The following WDR25 variants were observed in gnomAD, a reference collection of about 807,000 sequenced individuals.
WDR25 encodes the protein WD repeat domain 25, also known as WD repeat-containing protein 25.
Under a neutral mutation model 47.7 loss-of-function variants are expected in WDR25, and 35 were observed. The observed-to-expected ratio is 0.73, with a 90% CI of 0.56 to 0.97. WDR25 has a LOEUF of 0.97. WDR25 is among the 50% of genes least tolerant of loss of function. WDR25 has a pLI of 0.00. For synonymous variants in WDR25, 248 were observed against 278.9 expected, an observed-to-expected ratio of 0.89 and a Z score of 1.10; for missense variants, 634 against 704.7, an observed-to-expected ratio of 0.90 and a Z score of 1.14.
intron 2 of WDR25, among the ~76,000 whole-genome samples, chr14:100,459,937 T>TATATACAC (rs1899343217): frequency 1.0e-5 from 1 of 97,712 alleles, no homozygotes; most frequent in Non-Finnish European, 2.0e-5. Context: ...TATATATATA[T>TATATACAC]ATACACATAC....
At chr14:100,467,189 G>A (rs1172031810) in intron 2 of WDR25, among the ~76,000 whole-genome samples, 1 of 152,216 alleles carries the variant, frequency 6.6e-6, no homozygotes, top group Non-Finnish European at 1.5e-5. Context: ...GTAAATACGA[G>A]TGTAGCACAT....
chr14:100,411,342 C>G (rs1454765915), intron 2 of WDR25, among the ~76,000 whole-genome samples: 1 of 152,014 alleles, frequency 6.6e-6, no homozygotes, highest in African/African-American at 2.4e-5. Context: ...TCCCTTAGTG[C>G]CACTGTCACA....
chr14:100,465,287 G>A (rs1899591060), intron 2 of WDR25, among the ~76,000 whole-genome samples: 1 of 152,160 alleles, frequency 6.6e-6, no homozygotes, highest in Non-Finnish European at 1.5e-5. Context: ...GTGTTGTGCA[G>A]TCTGCACCCC....
intron 2 of WDR25, among the ~76,000 whole-genome samples, chr14:100,454,171 A>T (rs192826786): frequency 6.6e-6 from 1 of 152,178 alleles, no homozygotes. Flanking sequence ...CTCCCATACC[A>T]TGTATCCTAC....
At chr14:100,471,179 G>T (rs1354446924) in intron 3 of WDR25, among the ~76,000 whole-genome samples, 1 of 152,096 alleles carries the variant, frequency 6.6e-6, no homozygotes, top group Non-Finnish European at 1.5e-5. Flanking sequence ...CCTCTCCCTG[G>T]CTGGCTTGGG....
At chr14:100,423,589 C>A (rs1898085566) in intron 2 of WDR25, among the ~76,000 whole-genome samples, 1 of 152,168 alleles carries the variant, frequency 6.6e-6, no homozygotes, top group Non-Finnish European at 1.5e-5. Flanking sequence ...TCAAAAACAT[C>A]TGGAAAATAG....
In WDR25 at chr14:100,440,428, G is replaced by A. The variant is rs1205006831; in HGVS notation, c.823-27593G>A. Among the ~76,000 whole-genome samples the A allele has an allele frequency of 6.6e-6, 1 of 152,232 alleles. No individual in the cohort carries two copies. The highest frequency in any genetic ancestry group is 2.4e-5 in the African/African-American group (1 of 41,466). ...GCATGCCACTTAGTCTGTTCTGAGCGGCTGTTTACAGGCGGATAGAAAGGG... is the reference window on the plus strand; with the variant it reads ...GCATGCCACTTAGTCTGTTCTGAGCAGCTGTTTACAGGCGGATAGAAAGGG... On this transcript the variant is annotated intron_variant, in intron 2 of 6. Coordinates refer to ENST00000402312, the MANE Select transcript of WDR25 (RefSeq NM_001161476.3). The surrounding 1 kb of genome is among the most constrained non-coding windows in gnomAD (Gnocchi z 4.4).
intron 4 of WDR25, among the ~76,000 whole-genome samples, chr14:100,520,863 A>G (rs2140382430): frequency 6.6e-6 from 1 of 152,328 alleles, no homozygotes; most frequent in East Asian, 1.9e-4. Flanking sequence ...GAGACTGAAG[A>G]ACAGACGGAA....
chr14:100,519,792 C>CTATATGTA (rs1191068514), intron 4 of WDR25, among the ~76,000 whole-genome samples: 33 of 132,688 alleles, frequency 2.5e-4, no homozygotes, highest in South Asian at 6.9e-4. Flanking sequence ...ATATACTATA[C>CTATATGTA]TATATGTATA....
In WDR25 at chr14:100,381,005, A is replaced by G. The variant is rs1450867425; in HGVS notation, c.81A>G (p.Ala27=). 6.2e-7 allele frequency: 1 copy of G among 1,614,126 alleles called. No individual in the cohort carries two copies. The highest frequency in any genetic ancestry group is 1.3e-5 in the African/African-American group (1 of 74,952). Residue 27 remains alanine, a synonymous_variant, in exon 2 of 7, where the codon GCA becomes GCG. Transcript: ENST00000402312. ...ACTCGGAGGCTGAGACAGAGCATGCAGGAAGTTTTAATGCTACCGGCCAGC... is the reference window on the plus strand; with the variant it reads ...ACTCGGAGGCTGAGACAGAGCATGCGGGAAGTTTTAATGCTACCGGCCAGC... ...DSDSEAETEH[A]GSFNATGQQK...
chr14:100,432,165 A>G (rs1319459121), intron 2 of WDR25, among the ~76,000 whole-genome samples: 1 of 152,212 alleles, frequency 6.6e-6, no homozygotes, highest in East Asian at 1.9e-4. Context: ...CACTAAGGAG[A>G]ATTCAGGTGT....
At chr14:100,452,715 G>A (rs1212471220) in intron 2 of WDR25, among the ~76,000 whole-genome samples, 6 of 152,174 alleles carry the variant, frequency 3.9e-5, no homozygotes, top group Non-Finnish European at 5.9e-5. Flanking sequence ...GCTATAACTC[G>A]ACTCTGATGC....
At chr14:100,441,891 C>G (rs1455891722) in intron 2 of WDR25, among the ~76,000 whole-genome samples, 2 of 151,990 alleles carry the variant, frequency 1.3e-5, no homozygotes, top group Non-Finnish European at 2.9e-5. Flanking sequence ...AGGCCTTGCA[C>G]TGACTCTCTG....
At chr14:100,390,146 GA>G (rs1338306466) in intron 2 of WDR25, among the ~76,000 whole-genome samples, 3 of 152,188 alleles carry the variant, frequency 2.0e-5, no homozygotes, top group African/African-American at 7.2e-5. Context: ...TACATTCCAA[GA>G]GCTGTTTCTT....
chr14:100,524,377 G>T (rs2030010740), intron 4 of WDR25, among the ~76,000 whole-genome samples: 1 of 152,156 alleles, frequency 6.6e-6, no homozygotes, highest in African/African-American at 2.4e-5. Flanking sequence ...CCTTTCCCTG[G>T]GTCAGCCTCT....
intron 2 of WDR25, among the ~76,000 whole-genome samples, chr14:100,441,171 G>T (rs1384279124): frequency 6.6e-6 from 1 of 152,138 alleles, no homozygotes; most frequent in Non-Finnish European, 1.5e-5. Flanking sequence ...CATCATGAGG[G>T]ACACATAGGA....
intron 2 of WDR25, among the ~76,000 whole-genome samples, chr14:100,410,966 A>C (rs1475021690): frequency 6.6e-6 from 1 of 151,804 alleles, no homozygotes; most frequent in African/African-American, 2.4e-5. Flanking sequence ...TATTTTTGGT[A>C]GCAATGGAGT....
intron 3 of WDR25, among the ~76,000 whole-genome samples, chr14:100,477,356 A>G (rs1900050611): frequency 6.6e-6 from 1 of 152,214 alleles, no homozygotes; most frequent in Non-Finnish European, 1.5e-5. Context: ...GAAGATCCAA[A>G]CAGTTTTTAC....
At chr14:100,435,665 GTTCATTCA>G (rs10681858) in intron 2 of WDR25, among the ~76,000 whole-genome samples, 1 of 151,934 alleles carries the variant, frequency 6.6e-6, no homozygotes, top group Non-Finnish European at 1.5e-5. Context: ...TCAATCATTC[GTTCATTCA>G]TTCATTCATT....
Sources: allele counts gnomAD v4.1 joint callset (sites outside exome capture counted in the v4.1 genomes callset), GRCh38; gene constraint gnomAD v4.1.1; non-coding constraint Gnocchi (gnomAD v3.1); transcripts MANE v1.5; gene names NCBI Gene and HGNC (gene_info 2026-07-23, HGNC 2026-07-21).